SLC4A10: variants seen among roughly 807,000 people sequenced by gnomAD.
SLC4A10 encodes the protein sodium-driven chloride bicarbonate exchanger.
In SLC4A10, 42 loss-of-function variants were observed where a neutral mutation model predicts 137.7. The observed-to-expected ratio is 0.30, with a 90% CI of 0.24 to 0.39. The LOEUF (loss-of-function observed/expected upper bound fraction) is 0.39, where lower values mean the gene tolerates loss of function less well. Ranked by LOEUF, SLC4A10 falls within the 10% of genes least tolerant of loss-of-function variation. The probability of loss-of-function intolerance (pLI) is 1.00; values close to 1 mark genes in which losing one functional copy is unlikely to be tolerated. For synonymous variants in SLC4A10, 474 were observed against 464.1 expected, an observed-to-expected ratio of 1.02 and a Z score of -0.27; for missense variants, 925 against 1,355.0, an observed-to-expected ratio of 0.68 and a Z score of 4.98.
In SLC4A10 at chr2:161,857,956, C is replaced by T. The variant is rs1164863392; in HGVS notation, c.577+2826C>T. 3.9e-5 allele frequency among the ~76,000 whole-genome samples: 6 copies of T among 152,148 alleles called. No individual in the cohort carries two copies. The South Asian group carries it at 6.2e-4, about 16-fold the overall frequency. On this transcript the variant is annotated intron_variant, in intron 5 of 26. Transcript: ENST00000446997. ...TGAACTCCTGGGTTCAATTGATCCACCTGCCTCAGCTTCCCAAAGTGCTAG... is the reference window on the plus strand; with the variant it reads ...TGAACTCCTGGGTTCAATTGATCCATCTGCCTCAGCTTCCCAAAGTGCTAG...
At chr2:161,933,749 C>T (rs1218983922) in intron 15 of SLC4A10, among the ~76,000 whole-genome samples, 1 of 152,136 alleles carries the variant, frequency 6.6e-6, no homozygotes, top group South Asian at 2.1e-4. Context: ...TAGGTTGATT[C>T]CATATCTTGG....
At chr2:161,922,636 A>G (rs978390200) in intron 15 of SLC4A10, among the ~76,000 whole-genome samples, 2 of 152,184 alleles carry the variant, frequency 1.3e-5, no homozygotes, top group African/African-American at 2.4e-5. Context: ...AAATATACAT[A>G]AGAACTACTG....
chr2:161,720,223 C>A (rs1458271472), intron 1 of SLC4A10, among the ~76,000 whole-genome samples: 1 of 152,126 alleles, frequency 6.6e-6, no homozygotes, highest in Non-Finnish European at 1.5e-5. Flanking sequence ...AGTGTTATTT[C>A]TGAGGGCTCT....
intron 1 of SLC4A10, among the ~76,000 whole-genome samples, chr2:161,643,025 C>T (rs1427210699): frequency 2.0e-5 from 3 of 151,868 alleles, no homozygotes; most frequent in African/African-American, 7.2e-5. Context: ...TTTGTGGATC[C>T]ATATTTCATA....
At chr2:161,870,441 G>A (rs1384923741) in intron 6 of SLC4A10, among the ~76,000 whole-genome samples, 1 of 151,640 alleles carries the variant, frequency 6.6e-6, no homozygotes, top group Non-Finnish European at 1.5e-5. Context: ...TATACCACAC[G>A]AAATGAATTA....
At chr2:161,871,170 T>C (rs572678884) in intron 6 of SLC4A10, among the ~76,000 whole-genome samples, 1 of 152,014 alleles carries the variant, frequency 6.6e-6, no homozygotes, top group South Asian at 2.1e-4. Flanking sequence ...TTTTTGCATT[T>C]ACACTGGGAG....
At chr2:161,847,453 G>C (rs1002484413) in intron 4 of SLC4A10, among the ~76,000 whole-genome samples, 7 of 151,854 alleles carry the variant, frequency 4.6e-5, no homozygotes, top group Admixed American at 3.3e-4. Context: ...CAGCTGTTAG[G>C]TAGTTTTTCA....
At chr2:161,916,334 C>T (rs957100502) in intron 15 of SLC4A10, among the ~76,000 whole-genome samples, 10 of 152,186 alleles carry the variant, frequency 6.6e-5, no homozygotes, top group African/African-American at 2.2e-4. Context: ...CCCTTTTTCA[C>T]ACATCCAGAT....
chr2:161,720,617 C>T (rs2045545828), intron 1 of SLC4A10, among the ~76,000 whole-genome samples: 1 of 152,082 alleles, frequency 6.6e-6, no homozygotes. Context: ...GAATTGAACC[C>T]TTTACCATTA....
At chr2:161,671,837 A>G (rs1246475820) in intron 1 of SLC4A10, among the ~76,000 whole-genome samples, 1 of 152,226 alleles carries the variant, frequency 6.6e-6, no homozygotes, top group Non-Finnish European at 1.5e-5. Context: ...ATTATCTCTG[A>G]TATCAAGGTA....
chr2:161,924,613 G>A lies in SLC4A10; in HGVS notation c.1998-18179G>A, dbSNP rs1290911988. Among the ~76,000 whole-genome samples, 2 of 151,962 alleles carry A rather than the reference G, an allele frequency of 1.3e-5. 1 individual carries two copies. Among genetic ancestry groups the A allele is most frequent in the Non-Finnish European group, 2.9e-5 (2 of 68,012 alleles). On this transcript the variant is annotated intron_variant, in intron 15 of 26. Coordinates refer to ENST00000446997, the MANE Select transcript of SLC4A10 (RefSeq NM_001178015.2). ...TTTCCACTTTGGAATTGATTTATAGGTGAGTAATGTCATAACCTAGAGATA... is the reference window on the plus strand; with the variant it reads ...TTTCCACTTTGGAATTGATTTATAGATGAGTAATGTCATAACCTAGAGATA...
At chr2:161,823,556 G>A (rs2057794561) in intron 3 of SLC4A10, among the ~76,000 whole-genome samples, 2 of 152,176 alleles carry the variant, frequency 1.3e-5, no homozygotes, top group East Asian at 1.9e-4. Flanking sequence ...AGTGATGCTC[G>A]AAGTGCTCCC....
intron 1 of SLC4A10, among the ~76,000 whole-genome samples, chr2:161,692,942 T>G (rs2042145482): frequency 6.6e-6 from 1 of 151,798 alleles, no homozygotes; most frequent in Non-Finnish European, 1.5e-5. Flanking sequence ...AAAAAAAAAT[T>G]GTATTGTTTT....
intron 1 of SLC4A10, among the ~76,000 whole-genome samples, chr2:161,626,624 A>G (rs912945247): frequency 1.3e-5 from 2 of 151,908 alleles, no homozygotes; most frequent in African/African-American, 2.4e-5. Flanking sequence ...TTTTATGAAA[A>G]CCTTTTTTGT....
chr2:161,982,152 G>A (rs1363988447), intron 26 of SLC4A10, among the ~76,000 whole-genome samples: 2 of 152,116 alleles, frequency 1.3e-5, no homozygotes, highest in Admixed American at 6.6e-5. Flanking sequence ...ATTAAGGGCC[G>A]AAGTTAACAG....
At chr2:161,771,188 A>T in intron 2 of SLC4A10, 134 bp downstream of exon 2, 1 of 643,304 alleles carries the variant, frequency 1.6e-6, no homozygotes, top group Non-Finnish European at 2.7e-6. Context: ...GGAGGGGTAC[A>T]TCTGATTGTT....
chr2:161,949,750 A>G (rs532801361), intron 18 of SLC4A10, among the ~76,000 whole-genome samples: 133 of 152,108 alleles, frequency 8.7e-4, no homozygotes, highest in Middle Eastern at 6.8e-3. Flanking sequence ...TTGCAAACAC[A>G]TAATGAGATA....
chr2:161,708,553 C>A, intron 1 of SLC4A10: 1 of 825,202 alleles, frequency 1.2e-6, no homozygotes, highest in Non-Finnish European at 1.7e-6. Context: ...TCAGCAAATA[C>A]AACTGTGTCA....
chr2:161,870,422 A>C (rs186167302), intron 6 of SLC4A10, among the ~76,000 whole-genome samples: 1 of 151,784 alleles, frequency 6.6e-6, no homozygotes. Flanking sequence ...TTGTTCTTCC[A>C]TGTAGATTTA....
Sources: allele counts gnomAD v4.1 joint callset (sites outside exome capture counted in the v4.1 genomes callset), GRCh38; gene constraint gnomAD v4.1.1; transcripts MANE v1.5; gene names NCBI Gene and HGNC (gene_info 2026-07-23, HGNC 2026-07-21).